The following COL9A3 variants were observed in gnomAD, a reference collection of about 807,000 sequenced individuals.
COL9A3 encodes collagen alpha-3(IX) chain.
In COL9A3, 82 loss-of-function variants were observed where a neutral mutation model predicts 110.2. That is an observed-to-expected ratio of 0.74 (90% confidence interval 0.62 to 0.89). COL9A3 has a LOEUF of 0.89. COL9A3 is among the 40% of genes least tolerant of loss of function. COL9A3 has a pLI of 0.00. For synonymous variants in COL9A3, 494 were observed against 403.8 expected (o/e 1.22, Z -2.68); for missense variants, 1,066 against 981.3 (o/e 1.09, Z -1.15).
At chr20:62,839,150 G>T (rs550218628) in intron 31 of COL9A3, among the ~76,000 whole-genome samples, 1 of 152,018 alleles carries the variant, frequency 6.6e-6, no homozygotes, top group African/African-American at 2.4e-5. Flanking sequence ...GCTTGAACCC[G>T]GGAGGCGGAG....
At chr20:62,823,154 T>C (rs1351984607) in intron 10 of COL9A3, among the ~76,000 whole-genome samples, 1 of 152,146 alleles carries the variant, frequency 6.6e-6, no homozygotes, top group Non-Finnish European at 1.5e-5. Flanking sequence ...CTGGGCAACA[T>C]AGTGAGATCT....
chr20:62,828,634 G>C (rs2063572100), intron 17 of COL9A3, 130 bp from the exon 18 acceptor site: 1 of 1,078,908 alleles, frequency 9.3e-7, no homozygotes, highest in African/African-American at 1.5e-5. Context: ...CATGAAACCA[G>C]ATAACTGCCA....
chr20:62,840,741 G>C lies in COL9A3; in HGVS notation c.*9G>C. The C allele has an allele frequency of 1.3e-6, 2 of 1,558,862 alleles. No homozygotes were observed. The highest frequency in any genetic ancestry group is 1.7e-6 in the Non-Finnish European group (2 of 1,150,638). On this transcript the variant is annotated 3_prime_UTR_variant, in exon 32 of 32. Coordinates refer to ENST00000649368, the MANE Select transcript of COL9A3 (RefSeq NM_001853.4). ...GCTCTCGAAGCTCATAAAATTCAAC[G>C]TGAGGAAGCAAGTGACAAGGACGCC...
At chr20:62,829,988 T>G (rs540123181) in intron 22 of COL9A3, among the ~76,000 whole-genome samples, 169 bp downstream of exon 22, 1 of 152,270 alleles carries the variant, frequency 6.6e-6, no homozygotes, top group South Asian at 2.1e-4. Flanking sequence ...CCTCACCCGC[T>G]GGGAGACGGT....
intron 31 of COL9A3, among the ~76,000 whole-genome samples, chr20:62,839,920 C>A (rs1168050148): frequency 6.6e-6 from 1 of 152,208 alleles, no homozygotes; most frequent in African/African-American, 2.4e-5. Flanking sequence ...CCTTTGCTGA[C>A]CTAGCTCTGC....
At chr20:62,819,837 A>G (rs1390334988) in intron 4 of COL9A3, 92 bp from the exon 5 acceptor site, 4 of 1,437,630 alleles carry the variant, frequency 2.8e-6, no homozygotes, top group Non-Finnish European at 3.9e-6. Flanking sequence ...CTCTGGACTC[A>G]CCAAGGGAAG....
At chr20:62,823,737 C>T (rs916755466) in intron 10 of COL9A3, among the ~76,000 whole-genome samples, 1 of 152,268 alleles carries the variant, frequency 6.6e-6, no homozygotes. Context: ...GTTGCCTGGG[C>T]TCACAGTGCC....
At chr20:62,819,197 ATC>A in intron 3 of COL9A3, 23 bp from the exon 4 acceptor site, 1 of 1,610,620 alleles carries the variant, frequency 6.2e-7, no homozygotes, top group South Asian at 1.1e-5. Context: ...CCGCCTTCAC[ATC>A]TCTGCCCTTT....
rs1449199068 is a variant in COL9A3, at chr20:62,817,113, G to A, written c.49G>A (p.Gly17Arg). 2 of 1,403,232 alleles carry A rather than the reference G, an allele frequency of 1.4e-6. No homozygotes were observed. The highest frequency in any genetic ancestry group is 2.8e-5 in the South Asian group (2 of 71,868). The allele number at this position is 1,403,232 out of a possible 1,614,324, so 86.9% of individuals were successfully genotyped here. ...CAPLLLLLLLGELLAAAGAQR... is the reference protein window; with the variant it reads ...CAPLLLLLLLRELLAAAGAQR... ...CCCGCTCCTGCTCCTGCTCCTGCTC[G>A]GGGAGCTTCTGGCGGCCGCCGGGGC... The change falls in exon 1 of 32, where the codon GGG (glycine) becomes AGG (arginine). Residue 17 changes from glycine (G) to arginine (R), a missense_variant. Physicochemically the swap from Gly to Arg is moderately radical, Grantham distance 125 (BLOSUM62 -2). Coordinates refer to ENST00000649368, the MANE Select transcript of COL9A3 (RefSeq NM_001853.4).
At position 62,826,859 on chromosome 20, in the gene COL9A3, A is replaced by G. The variant is rs1224492658; in HGVS notation, c.792+39A>G. The G allele has an allele frequency of 2.5e-6, 4 of 1,606,288 alleles. No individual in the cohort carries two copies. The African/African-American group carries it at 5.4e-5, about 22-fold the overall frequency. On this transcript the variant is annotated intron_variant, in intron 15 of 31. Coordinates refer to ENST00000649368, the MANE Select transcript of COL9A3 (RefSeq NM_001853.4). ...TGGACGGTGGGCGCCATGCCTCGTG[A>G]CCTCTCTCCCCTTTCCCTCTGCTCC...
intron 26 of COL9A3, 40 bp downstream of exon 26, chr20:62,833,104 A>G: frequency 1.3e-6 from 2 of 1,553,168 alleles, no homozygotes; most frequent in Middle Eastern, 1.7e-4. Flanking sequence ...AACAGCTGGG[A>G]GCGAGGTCGC....
At chr20:62,818,370 T>G in intron 2 of COL9A3, 148 bp from the exon 3 acceptor site, 1 of 777,024 alleles carries the variant, frequency 1.3e-6, no homozygotes, top group Non-Finnish European at 2.3e-6. Flanking sequence ...GCCCTCTAGG[T>G]AGGGATCGGG....
chr20:62,828,047 T>A (rs1314329802), intron 17 of COL9A3, 71 bp downstream of exon 17: 1 of 1,526,026 alleles, frequency 6.6e-7, no homozygotes, highest in Non-Finnish European at 9.0e-7. Flanking sequence ...GAGATGGCAT[T>A]CAGAAGGGCT....
chr20:62,838,196 A>C (rs1026592204), intron 30 of COL9A3, among the ~76,000 whole-genome samples: 1 of 152,250 alleles, frequency 6.6e-6, no homozygotes, highest in South Asian at 2.1e-4. Flanking sequence ...AGCAGCAGGC[A>C]TAGGTTCTGA....
Position 62,822,098 on chromosome 20 carries a change from AC to A in COL9A3, c.424-8del. The A allele has an allele frequency of 2.6e-6, 4 of 1,514,500 alleles. No homozygotes were observed. Among genetic ancestry groups the A allele is most frequent in the South Asian group, 1.1e-5 (1 of 89,162 alleles). The allele number at this position is 1,514,500 out of a possible 1,614,324, so 93.8% of individuals were successfully genotyped here. A position where few individuals can be genotyped will look rare whatever the true frequency, so the allele number is the denominator to read the frequency against. ...GCTGGTCCCACTCTGTCTAAGTCAT[AC>A]CCCCTCCCCAGGGACCTTCTGGACT... On this transcript the variant is annotated splice_polypyrimidine_tract_variant and intron_variant, in intron 8 of 31. Coordinates refer to ENST00000649368, the MANE Select transcript of COL9A3 (RefSeq NM_001853.4).
At chr20:62,823,324 C>T (rs1353332415) in intron 10 of COL9A3, among the ~76,000 whole-genome samples, 1 of 152,192 alleles carries the variant, frequency 6.6e-6, no homozygotes, top group Non-Finnish European at 1.5e-5. Context: ...CAGCCAAGCT[C>T]AAGCCTGTCT....
chr20:62,826,711 G>T, intron 14 of COL9A3, 56 bp from the exon 15 acceptor site: 1 of 1,596,928 alleles, frequency 6.3e-7, no homozygotes, highest in East Asian at 2.2e-5. Context: ...GAGCACTGGG[G>T]GGATGCCAGC....
chr20:62,817,865 C>T, intron 2 of COL9A3: 1 of 663,538 alleles, frequency 1.5e-6, no homozygotes, highest in Non-Finnish European at 2.8e-6. Context: ...AATGCCGGCA[C>T]TGAGGTGTGT....
At chr20:62,840,034 C>T (rs1462885934) in intron 31 of COL9A3, among the ~76,000 whole-genome samples, 1 of 151,930 alleles carries the variant, frequency 6.6e-6, no homozygotes, top group Admixed American at 6.6e-5. Context: ...GGACAGCAGC[C>T]TCCCGGCCGC....
Sources: gnomAD v4.1 joint callset for allele counts (sites outside exome capture counted in the v4.1 genomes callset) on GRCh38, gnomAD v4.1.1 for gene constraint, MANE v1.5 for transcripts, NCBI Gene and HGNC (gene_info 2026-07-23, HGNC 2026-07-21) for gene names.